The following LAMA2 variants were observed in gnomAD, a reference collection of about 807,000 sequenced individuals.
LAMA2 encodes the protein laminin subunit alpha 2, also known as laminin subunit alpha-2.
In LAMA2, 269 loss-of-function variants were observed where a neutral mutation model predicts 364.8. That is an observed-to-expected ratio of 0.74 (90% CI 0.67 to 0.82). LAMA2 has a LOEUF of 0.82. Ranked by LOEUF, LAMA2 falls within the 40% of genes least tolerant of loss-of-function variation. LAMA2 has a pLI of 0.00. For missense variants in LAMA2, 3,807 were observed against 3,873.2 expected, an observed-to-expected ratio of 0.98 and a Z score of 0.45; for synonymous variants, 1,379 against 1,370.6, an observed-to-expected ratio of 1.01 and a Z score of -0.14.
At chr6:129,068,051 CT>C (rs1290591439) in intron 3 of LAMA2, among the ~76,000 whole-genome samples, 6 of 152,146 alleles carry the variant, frequency 3.9e-5, no homozygotes, top group Non-Finnish European at 8.8e-5. Context: ...GTGCGTGGAG[CT>C]ATTTGTTGTT....
chr6:128,955,355 T>A (rs1781075619), intron 1 of LAMA2, among the ~76,000 whole-genome samples: 1 of 151,964 alleles, frequency 6.6e-6, no homozygotes, highest in Non-Finnish European at 1.5e-5. Flanking sequence ...TAAGTATCTT[T>A]ACTGGGGCCA....
At chr6:129,284,384 G>A (rs1293703203) in intron 18 of LAMA2, among the ~76,000 whole-genome samples, 2 of 152,014 alleles carry the variant, frequency 1.3e-5, no homozygotes, top group Non-Finnish European at 2.9e-5. Flanking sequence ...GCCCTTTTGT[G>A]TGCTGCCATA....
chr6:129,321,600 T>C (rs1251831588), intron 28 of LAMA2, among the ~76,000 whole-genome samples: 4 of 152,220 alleles, frequency 2.6e-5, no homozygotes, highest in Non-Finnish European at 5.9e-5. Context: ...AGCCTGAGTC[T>C]TATGAAGACT....
At chr6:128,993,456 G>A (rs1404410335) in intron 1 of LAMA2, among the ~76,000 whole-genome samples, 1 of 152,110 alleles carries the variant, frequency 6.6e-6, no homozygotes, top group East Asian at 1.9e-4. Flanking sequence ...TATTGAGAGT[G>A]TATTACACAT....
rs1231117669 is a variant in LAMA2 at position 129,473,260 on chromosome 6, A to G, written c.7347A>G (p.Ile2449Met). The G allele has an allele frequency of 1.2e-6, 2 of 1,607,802 alleles. No individual in the cohort carries two copies. Reference sequence around the variant, plus strand: ...TAGATACTAATCAGGAGGAGAATATAGCAACTTCGTCTTCTGGAAACAACT... The same window carrying G: ...TAGATACTAATCAGGAGGAGAATATGGCAACTTCGTCTTCTGGAAACAACT... ...VDIDTNQEEN[I>M]ATSSSGNNFG... is the part of the protein sequence containing the mutation. The change falls in exon 52 of 65, where the codon ATA (isoleucine) becomes ATG (methionine). Residue 2449 changes from isoleucine (I) to methionine (M), a missense_variant. Physicochemically the swap from Ile to Met is conservative, Grantham distance 10. Coordinates refer to ENST00000421865, the MANE Select transcript of LAMA2 (RefSeq NM_000426.4).
chr6:129,120,030 A>T (rs1776713630), intron 4 of LAMA2, among the ~76,000 whole-genome samples: 1 of 152,240 alleles, frequency 6.6e-6, no homozygotes, highest in Non-Finnish European at 1.5e-5. Context: ...GCACGTGTAT[A>T]CTAATGCGAG....
At chr6:129,413,248 A>G (rs889046766) in intron 40 of LAMA2, among the ~76,000 whole-genome samples, 8 of 152,280 alleles carry the variant, frequency 5.3e-5, no homozygotes, top group African/African-American at 1.7e-4. Flanking sequence ...AACAAGGAAA[A>G]CTAAAAAATT....
intron 3 of LAMA2, among the ~76,000 whole-genome samples, chr6:129,062,265 A>G (rs1307793690): frequency 1.3e-5 from 2 of 152,188 alleles, no homozygotes; most frequent in Non-Finnish European, 2.9e-5. Flanking sequence ...TTCCTATTGC[A>G]TAGTTGAAGA....
chr6:129,286,297 A>C (rs1339089354), intron 18 of LAMA2, among the ~76,000 whole-genome samples: 1 of 151,784 alleles, frequency 6.6e-6, no homozygotes, highest in Non-Finnish European at 1.5e-5. Flanking sequence ...CATAAGATTC[A>C]GATGCCCTGT....
At chr6:129,196,756 C>T (rs924671801) in intron 12 of LAMA2, among the ~76,000 whole-genome samples, 2 of 152,162 alleles carry the variant, frequency 1.3e-5, no homozygotes, top group Admixed American at 6.5e-5. Context: ...GATAAATCAA[C>T]TGTGGTTGAT....
chr6:129,177,633 T>C (rs534059880), intron 9 of LAMA2, 73 bp from the exon 10 acceptor site: 1 of 1,451,698 alleles, frequency 6.9e-7, no homozygotes, highest in Admixed American at 1.7e-5. Context: ...TAAAGGTTAC[T>C]GTCATTAAAA....
intron 1 of LAMA2, among the ~76,000 whole-genome samples, chr6:128,933,413 C>A (rs999161414): frequency 2.0e-5 from 3 of 152,060 alleles, no homozygotes; most frequent in Non-Finnish European, 4.4e-5. Flanking sequence ...ACTGATATCA[C>A]CTTTTAAAAT....
intron 1 of LAMA2, among the ~76,000 whole-genome samples, chr6:129,013,665 C>A (rs1257944594): frequency 1.3e-5 from 2 of 152,050 alleles, no homozygotes; most frequent in Non-Finnish European, 2.9e-5. Flanking sequence ...AAGGCATTTT[C>A]ATTTTATTCT....
At chr6:129,463,149 C>T (rs1004017402) in intron 49 of LAMA2, among the ~76,000 whole-genome samples, 10 of 152,048 alleles carry the variant, frequency 6.6e-5, no homozygotes, top group East Asian at 1.9e-4. Flanking sequence ...TCACCTAGAA[C>T]GTAGCTGCTC....
At chr6:128,929,809 G>T in intron 1 of LAMA2, 2 of 1,051,906 alleles carry the variant, frequency 1.9e-6, no homozygotes, top group South Asian at 1.3e-5. Flanking sequence ...CACCCACAGA[G>T]TCTTGGTAGA....
At chr6:129,095,713 C>T (rs1583033047) in intron 3 of LAMA2, among the ~76,000 whole-genome samples, 1 of 149,578 alleles carries the variant, frequency 6.7e-6, no homozygotes. Flanking sequence ...GAGTTTGAGA[C>T]CAGCCTTACC....
chr6:129,080,141 T>G (rs1773944279), intron 3 of LAMA2, among the ~76,000 whole-genome samples: 1 of 152,204 alleles, frequency 6.6e-6, no homozygotes, highest in Admixed American at 6.5e-5. Flanking sequence ...ATATTTTACA[T>G]AAATTATCTT....
chr6:129,217,456 A>G (rs1783500536), intron 12 of LAMA2, among the ~76,000 whole-genome samples: 2 of 152,200 alleles, frequency 1.3e-5, no homozygotes, highest in African/African-American at 2.4e-5. Flanking sequence ...CCTTCAACTC[A>G]GAGAAATCAG....
At chr6:128,947,053 T>G (rs1324788678) in intron 1 of LAMA2, among the ~76,000 whole-genome samples, 1 of 152,220 alleles carries the variant, frequency 6.6e-6, no homozygotes. Flanking sequence ...AGTAAAGTGT[T>G]ATATCACAGA....
Sources: allele counts gnomAD v4.1 joint callset (sites outside exome capture counted in the v4.1 genomes callset), GRCh38; gene constraint gnomAD v4.1.1; transcripts MANE v1.5; gene names NCBI Gene and HGNC (gene_info 2026-07-23, HGNC 2026-07-21).